Variants in STAB2 observed in about 807,000 individuals in gnomAD.
The protein encoded by STAB2 is stabilin 2.
In STAB2, 288 loss-of-function variants were observed where a neutral mutation model predicts 338.1. The observed-to-expected ratio is 0.85, with a 90% CI of 0.77 to 0.94. STAB2 has a LOEUF of 0.94. Ranked by LOEUF, STAB2 falls within the 40% of genes least tolerant of loss-of-function variation. The pLI is 0.00. For missense variants in STAB2, 3,141 were observed against 3,210.1 expected, an observed-to-expected ratio of 0.98 and a Z score of 0.52; for synonymous variants, 1,202 against 1,193.3, an observed-to-expected ratio of 1.01 and a Z score of -0.15.
At chr12:103,657,055 C>T (rs935312331) in intron 15 of STAB2, among the ~76,000 whole-genome samples, 1 of 152,074 alleles carries the variant, frequency 6.6e-6, no homozygotes, top group African/African-American at 2.4e-5. Context: ...AGATGTTCAA[C>T]ATATGAAAAG....
At chr12:103,646,320 G>A (rs1006061607) in intron 9 of STAB2, among the ~76,000 whole-genome samples, 6 of 152,130 alleles carry the variant, frequency 3.9e-5, no homozygotes, top group African/African-American at 1.4e-4. Flanking sequence ...CTTCTATCAT[G>A]GCACTTACAA....
intron 9 of STAB2, among the ~76,000 whole-genome samples, chr12:103,643,768 C>T (rs552173227): frequency 4.6e-5 from 7 of 152,080 alleles, no homozygotes; most frequent in African/African-American, 1.7e-4. Context: ...CCTTATAAGA[C>T]TATGTAGCAT....
In STAB2 at chr12:103,655,137, T is replaced by C. The variant is rs1874083925; in HGVS notation, c.1552-114T>C. Reference sequence around the variant, plus strand: ...CATTGCAGTTGACCAGGTTCATTTATATAAATCCATACTGACACATAAACT... The same window carrying C: ...CATTGCAGTTGACCAGGTTCATTTACATAAATCCATACTGACACATAAACT... On this transcript the variant is annotated intron_variant, in intron 13 of 68. Coordinates refer to ENST00000388887, the MANE Select transcript of STAB2 (RefSeq NM_017564.10). 3.9e-6 allele frequency: 4 copies of C among 1,016,186 alleles called. No individual in the cohort carries two copies. In the Admixed American group the frequency reaches 9.0e-5, roughly 23 times the overall value. The allele number at this position is 1,016,186 out of a possible 1,614,324, so 62.9% of individuals were successfully genotyped here.
Position 103,730,265 on chromosome 12 carries a change from A to G in STAB2, c.5223+9A>G. ...ACTCTGGAAGAATTCTGGTAGGTAA[A>G]CTCTCTGTTATGTTTTCAGCCTGGA... On this transcript the variant is annotated intron_variant, in intron 49 of 68. Coordinates refer to ENST00000388887, the MANE Select transcript of STAB2 (RefSeq NM_017564.10). 6.2e-7 allele frequency: 1 copy of G among 1,613,020 alleles called. No homozygotes were observed. Among genetic ancestry groups the G allele is most frequent in the Non-Finnish European group, 8.5e-7 (1 of 1,179,558 alleles).
At position 103,715,923 on chromosome 12, in the gene STAB2, T is replaced by C. The variant is rs1383580174; in HGVS notation, c.4611+35T>C. ...ACCTCTCCCAGGCCCTTAGGTTTCC[T>C]AAAAGGGAACTCCTAGGTCTTTAGA... On this transcript the variant is annotated intron_variant, in intron 43 of 68. Coordinates refer to ENST00000388887, the MANE Select transcript of STAB2 (RefSeq NM_017564.10). The C allele has an allele frequency of 1.9e-6, 3 of 1,611,322 alleles. No homozygotes were observed. In the East Asian group the frequency reaches 6.7e-5, roughly 36 times the overall value.
In STAB2 at chr12:103,655,284, A is replaced by G. The variant is rs755502644; in HGVS notation, c.1585A>G (p.Ser529Gly). Residue 529 changes from serine (S) to glycine (G), a missense_variant, in exon 14 of 69, where the codon AGC becomes GGC. Coordinates refer to ENST00000388887, the MANE Select transcript of STAB2 (RefSeq NM_017564.10). ...AATGACAATGCTACAACCAAGGTAC[A>G]GCAAGTTCAGATCTTTGTTAGAGGT... ...TIMTMLQPRYSKFRSLLEETN... is the reference protein window; with the variant it reads ...TIMTMLQPRYGKFRSLLEETN... The G allele has an allele frequency of 1.4e-5, 23 of 1,613,274 alleles. No homozygotes were observed. The East Asian group carries it at 1.8e-4, about 13-fold the overall frequency.
rs1462273219 is a variant in STAB2 at position 103,673,966 on chromosome 12, A to G, written c.2431A>G (p.Thr811Ala). Residue 811 changes from threonine to alanine, a missense_variant, in exon 23 of 69, where the codon ACT becomes GCT. Coordinates refer to ENST00000388887, the MANE Select transcript of STAB2 (RefSeq NM_017564.10). ...GATAGACAGCGATGGGGCCTGCCTC[A>G]CTGGCACATGCAGAGACGGCTCTGC... ...NRIDSDGACL[T>A]GTCRDGSAGR... The G allele has an allele frequency of 1.9e-6, 3 of 1,614,024 alleles. No homozygotes were observed. The highest frequency in any genetic ancestry group is 1.7e-5 in the Admixed American group (1 of 60,010).
Position 103,703,255 on chromosome 12 carries a change from T to G in STAB2, c.3822T>G (p.Asn1274Lys), listed in dbSNP as rs146942456. 5.6e-6 allele frequency: 9 copies of G among 1,613,436 alleles called. No individual in the cohort carries two copies. In the African/African-American group the frequency reaches 1.1e-4, roughly 19 times the overall value. The change falls in exon 35 of 69, where the codon AAT becomes AAG. Residue 1274 changes from asparagine to lysine, a missense_variant. Asn to Lys is a moderately conservative substitution (Grantham distance 94, BLOSUM62 0). Coordinates refer to ENST00000388887, the MANE Select transcript of STAB2 (RefSeq NM_017564.10). ...AAATTCAGAAGAACAGATGTGATAA[T>G]AATGACACTACTATTATACGAGTAA... is the stretch of plus-strand genomic sequence containing the variant. ...VLEIQKNRCD[N>K]NDTTIIRGRC...
At chr12:103,620,279 A>G (rs1260723950) in intron 3 of STAB2, among the ~76,000 whole-genome samples, 189 bp from the exon 4 acceptor site, 1 of 152,100 alleles carries the variant, frequency 6.6e-6, no homozygotes, top group East Asian at 1.9e-4. Flanking sequence ...CTAATACAGC[A>G]CATGACCACA....
At chr12:103,648,884 A>G in intron 10 of STAB2, 61 bp downstream of exon 10, 1 of 1,585,156 alleles carries the variant, frequency 6.3e-7, no homozygotes, top group Non-Finnish European at 8.6e-7. Context: ...GGGCATCTGC[A>G]AGATACAATG....
intron 37 of STAB2, 145 bp downstream of exon 37, chr12:103,705,872 T>C: frequency 1.3e-6 from 1 of 750,298 alleles, no homozygotes. Flanking sequence ...TCATCCAATG[T>C]AGTAGTGGTA....
intron 26 of STAB2, among the ~76,000 whole-genome samples, chr12:103,684,696 C>T (rs77025775): frequency 0.054 from 8,293 of 152,274 alleles, 586 homozygotes; most frequent in African/African-American, 0.16. Flanking sequence ...CATGGGCAAA[C>T]GTATACTCAA....
At chr12:103,609,394 G>A (rs1565958188) in intron 3 of STAB2, among the ~76,000 whole-genome samples, 1 of 152,112 alleles carries the variant, frequency 6.6e-6, no homozygotes, top group East Asian at 1.9e-4. Flanking sequence ...CCTTGAAGAG[G>A]TCCTTCACAT....
intron 5 of STAB2, among the ~76,000 whole-genome samples, chr12:103,625,382 T>A (rs1263693244): frequency 2.0e-5 from 3 of 152,234 alleles, no homozygotes; most frequent in African/African-American, 7.2e-5. Flanking sequence ...TTTTATACTT[T>A]AAGTTTTAGG....
chr12:103,696,574 C>T (rs1435148176), intron 33 of STAB2, among the ~76,000 whole-genome samples: 1 of 152,100 alleles, frequency 6.6e-6, no homozygotes, highest in African/African-American at 2.4e-5. Flanking sequence ...TAAGTCAGAT[C>T]GTGGCATGAT....
intron 47 of STAB2, 58 bp downstream of exon 47, chr12:103,727,408 G>T (rs939851405): frequency 1.5e-5 from 23 of 1,580,112 alleles, no homozygotes; most frequent in Non-Finnish European, 2.0e-5. Flanking sequence ...TAGTCCTTGG[G>T]CCTCGCCCTG....
chr12:103,640,380 C>T (rs1341962850), intron 9 of STAB2, 124 bp downstream of exon 9: 3 of 1,244,392 alleles, frequency 2.4e-6, no homozygotes, highest in Admixed American at 4.4e-5. Flanking sequence ...CCCCACCCCA[C>T]ATAGTAGGAG....
intron 4 of STAB2, 43 bp downstream of exon 4, chr12:103,620,596 C>T: frequency 2.0e-6 from 3 of 1,500,052 alleles, no homozygotes; most frequent in Non-Finnish European, 2.7e-6. Context: ...TTTCTGCTCC[C>T]CATCTTCTTA....
intron 57 of STAB2, among the ~76,000 whole-genome samples, chr12:103,745,653 G>T (rs1882968447): frequency 6.6e-6 from 1 of 152,206 alleles, no homozygotes; most frequent in African/African-American, 2.4e-5. Context: ...CGAGACCAGG[G>T]TCTGACCCCT....
Sources: gnomAD v4.1 joint callset for allele counts (sites outside exome capture counted in the v4.1 genomes callset) on GRCh38, gnomAD v4.1.1 for gene constraint, MANE v1.5 for transcripts, NCBI Gene and HGNC (gene_info 2026-07-23, HGNC 2026-07-21) for gene names.